Variants in ODAD2 observed in about 807,000 individuals in gnomAD.
ODAD2 encodes the protein outer dynein arm docking complex subunit 2.
A neutral mutation model predicts 106.8 loss-of-function variants in ODAD2; 89 were observed. The observed-to-expected ratio is 0.83, with a 90% CI of 0.70 to 0.99. ODAD2 has a LOEUF of 0.99. ODAD2 is among the 50% of genes least tolerant of loss of function. The pLI is 0.00. For synonymous variants in ODAD2, 404 were observed against 436.2 expected, an observed-to-expected ratio of 0.93 and a Z score of 0.92; for missense variants, 1,168 against 1,238.5, an observed-to-expected ratio of 0.94 and a Z score of 0.85.
intron 10 of ODAD2, among the ~76,000 whole-genome samples, chr10:27,959,858 T>TA (rs1032795633): frequency 6.6e-6 from 1 of 152,078 alleles, no homozygotes; most frequent in Non-Finnish European, 1.5e-5. Context: ...AGGTTTTCTG[T>TA]AAAAAAACTT....
chr10:27,812,734 A>G (rs1164972363), intron 19 of ODAD2, 109 bp from the exon 20 acceptor site: 2 of 1,392,900 alleles, frequency 1.4e-6, no homozygotes, highest in Non-Finnish European at 1.9e-6. Flanking sequence ...TTTTAAAACC[A>G]CCAAAAAAGC....
intron 16 of ODAD2, among the ~76,000 whole-genome samples, chr10:27,930,337 G>A (rs1845524141): frequency 6.6e-6 from 1 of 152,050 alleles, no homozygotes; most frequent in African/African-American, 2.4e-5. Context: ...TTGAGGGCAG[G>A]AGCTTAAGAA....
chr10:27,959,118 C>T (rs1297201086), intron 10 of ODAD2: 2 of 744,518 alleles, frequency 2.7e-6, no homozygotes, highest in Admixed American at 3.4e-5. Context: ...AGGAAGACTG[C>T]TTGAGGCCAG....
chr10:27,989,608 G>A (rs369149022), intron 2 of ODAD2, among the ~76,000 whole-genome samples: 1 of 152,196 alleles, frequency 6.6e-6, no homozygotes, highest in Non-Finnish European at 1.5e-5. Context: ...CTCCTGGTGA[G>A]AAGCCAAAGG....
At chr10:27,836,923 C>T (rs1234280348) in intron 19 of ODAD2, among the ~76,000 whole-genome samples, 2 of 152,126 alleles carry the variant, frequency 1.3e-5, no homozygotes, top group Non-Finnish European at 2.9e-5. Flanking sequence ...CAGCAGTTCA[C>T]GACTAAGCCT....
Position 27,944,364 on chromosome 10 carries a change from A to G in ODAD2, c.1601T>C (p.Leu534Pro), listed in dbSNP as rs1646918778. 1.2e-6 allele frequency: 2 copies of G among 1,613,952 alleles called. No individual in the cohort carries two copies. Among genetic ancestry groups the G allele is most frequent in the African/African-American group, 2.7e-5 (2 of 74,928 alleles). Reference protein sequence around the residue: ...NPQIRQNIVDLGGLPIMVNIL... With the variant: ...NPQIRQNIVDPGGLPIMVNIL... ...ATTCACCATAATTGGTAAGCCCCCA[A>G]GGTCAACAATATTCTGTCTGATTTG... The change falls in exon 12 of 20, where the codon CTT becomes CCT. Residue 534 changes from leucine (L) to proline (P), a missense_variant. Physicochemically the swap from Leu to Pro is moderately conservative, Grantham distance 98. Coordinates refer to ENST00000305242, the MANE Select transcript of ODAD2 (RefSeq NM_018076.5).
intron 17 of ODAD2, among the ~76,000 whole-genome samples, chr10:27,904,648 C>T (rs1589976882): frequency 6.6e-6 from 1 of 152,304 alleles, no homozygotes; most frequent in East Asian, 1.9e-4. Flanking sequence ...CCACACTGTT[C>T]TAAATACAGA....
intron 16 of ODAD2, among the ~76,000 whole-genome samples, chr10:27,909,725 G>A (rs1843855512): frequency 6.7e-6 from 1 of 150,194 alleles, no homozygotes; most frequent in Non-Finnish European, 1.5e-5. Context: ...GGCTGAGGCA[G>A]GAGAGTCGCT....
At chr10:27,888,059 G>A (rs764648303) in intron 17 of ODAD2, among the ~76,000 whole-genome samples, 2 of 151,966 alleles carry the variant, frequency 1.3e-5, no homozygotes, top group Admixed American at 6.6e-5. Context: ...GCCTCCCAAC[G>A]AAGAAAAGGA....
intron 16 of ODAD2, among the ~76,000 whole-genome samples, chr10:27,918,059 A>C (rs1271036126): frequency 6.6e-6 from 1 of 151,932 alleles, no homozygotes; most frequent in East Asian, 1.9e-4. Flanking sequence ...TTCATAAAAA[A>C]AACTCCAACT....
At chr10:27,928,936 G>A (rs1342514719) in intron 16 of ODAD2, among the ~76,000 whole-genome samples, 1 of 152,088 alleles carries the variant, frequency 6.6e-6, no homozygotes, top group African/African-American at 2.4e-5. Flanking sequence ...AAGACACTGA[G>A]TCATTTACAA....
chr10:27,858,709 A>T (rs1195781510), intron 19 of ODAD2, among the ~76,000 whole-genome samples: 1 of 151,814 alleles, frequency 6.6e-6, no homozygotes. Context: ...ATGATTTTGG[A>T]TTATCTATTG....
intron 19 of ODAD2, among the ~76,000 whole-genome samples, chr10:27,817,974 T>C (rs1836269713): frequency 6.6e-6 from 1 of 151,986 alleles, no homozygotes; most frequent in Admixed American, 6.6e-5. Flanking sequence ...TTTTTCATAC[T>C]CACATGGCTT....
intron 17 of ODAD2, among the ~76,000 whole-genome samples, chr10:27,883,717 A>G (rs1291854894): frequency 6.6e-6 from 1 of 152,222 alleles, no homozygotes; most frequent in African/African-American, 2.4e-5. Context: ...AAATTGTGTT[A>G]AAAATTAAAT....
At chr10:27,855,778 A>G (rs974094562) in intron 19 of ODAD2, among the ~76,000 whole-genome samples, 5 of 152,194 alleles carry the variant, frequency 3.3e-5, no homozygotes, top group African/African-American at 9.6e-5. Context: ...AGCAGTTCCA[A>G]TTGAACTGCT....
Position 27,985,208 on chromosome 10 carries a change from T to C in ODAD2, c.386A>G (p.Asn129Ser). The C allele has an allele frequency of 6.7e-7, 1 of 1,494,860 alleles. No individual in the cohort carries two copies. Among genetic ancestry groups the C allele is most frequent in the Non-Finnish European group, 8.8e-7 (1 of 1,130,148 alleles). 92.6% of individuals were successfully genotyped at this position (1,494,860 alleles called of 1,614,324 possible). Residue 129 changes from asparagine (N) to serine (S), a missense_variant, in exon 4 of 20, where the codon AAC becomes AGC. Coordinates refer to ENST00000305242, the MANE Select transcript of ODAD2 (RefSeq NM_018076.5). ...LKEAQACVEA[N>S]RDPIVKILGS... The stretch of plus-strand genomic sequence containing the variant: ...CAGGATTTTTACTATGGGGTCTCTG[T>C]TAGCTGCCAAAAAAAAAAAAAAGGA...
At position 27,981,515 on chromosome 10, in the gene ODAD2, G is replaced by A; in HGVS notation, c.887C>T (p.Thr296Ile). ...TTTTGGTGATTTTTCTCTTAAAAAT[G>A]TGACAAGGTTTTTATAAATTGAACC... ...RKGSIYKNLV[T>I]FLREKSPKFS... The change falls in exon 7 of 20, where the codon ACA (threonine) becomes ATA (isoleucine). Residue 296 changes from threonine to isoleucine, a missense_variant. Around this residue, in one of 3 missense-constraint regions of ODAD2, gnomAD observed 430 missense variants for 452.2 expected, o/e 0.95. Coordinates refer to ENST00000305242, the MANE Select transcript of ODAD2 (RefSeq NM_018076.5). 1 of 1,533,920 alleles carries A rather than the reference G, an allele frequency of 6.5e-7. No homozygotes were observed. Among genetic ancestry groups the A allele is most frequent in the South Asian group, 1.3e-5 (1 of 75,910 alleles).
chr10:27,882,173 A>AAAAGAAAGAAAGAAGG (rs1841759096), intron 17 of ODAD2, among the ~76,000 whole-genome samples: 1 of 109,682 alleles, frequency 9.1e-6, no homozygotes, highest in Non-Finnish European at 1.8e-5. Flanking sequence ...GTCATAAAAA[A>AAAAGAAAGAAAGAAGG]AAAGAAAGAA....
chr10:27,856,773 C>G (rs1839683574), intron 19 of ODAD2, among the ~76,000 whole-genome samples: 1 of 152,038 alleles, frequency 6.6e-6, no homozygotes, highest in South Asian at 2.1e-4. Flanking sequence ...TCGAGACTAG[C>G]CTGGCCAACA....
Sources: allele counts gnomAD v4.1 joint callset (sites outside exome capture counted in the v4.1 genomes callset), GRCh38; gene constraint gnomAD v4.1.1; regional missense constraint gnomAD v4.1.1; transcripts MANE v1.5; gene names NCBI Gene and HGNC (gene_info 2026-07-23, HGNC 2026-07-21).